SRD5A1: variants seen among roughly 807,000 people sequenced by gnomAD.
SRD5A1 encodes 3-oxo-5-alpha-steroid 4-dehydrogenase 1.
SRD5A1 carries 22 observed loss-of-function variants against 28.2 expected under a neutral mutation model. The observed-to-expected ratio is 0.78, with a 90% confidence interval of 0.56 to 1.12. The LOEUF (loss-of-function observed/expected upper bound fraction) is 1.12, where lower values mean the gene tolerates loss of function less well. Ranked by LOEUF, SRD5A1 falls within the 50% of genes most tolerant of loss-of-function variation. SRD5A1 has a pLI of 0.00. For synonymous variants in SRD5A1, 151 were observed against 135.0 expected (o/e 1.12, Z -0.82); for missense variants, 300 against 346.7 (o/e 0.87, Z 1.07).
intron 1 of SRD5A1, among the ~76,000 whole-genome samples, chr5:6,637,065 T>G (rs768472612): frequency 2.4e-4 from 36 of 152,210 alleles, no homozygotes; most frequent in South Asian, 8.3e-4. Flanking sequence ...TGCTGAAGCC[T>G]CCTTCTGATC....
At chr5:6,654,978 T>A (rs376423193) in intron 2 of SRD5A1, among the ~76,000 whole-genome samples, 2 of 152,270 alleles carry the variant, frequency 1.3e-5, no homozygotes, top group East Asian at 1.9e-4. Flanking sequence ...ATAAATGACT[T>A]ACAAAACGTA....
intron 3 of SRD5A1, among the ~76,000 whole-genome samples, chr5:6,656,836 C>A: frequency 6.6e-6 from 1 of 152,124 alleles, no homozygotes; most frequent in East Asian, 1.9e-4. Flanking sequence ...CAATGTGCCA[C>A]GTTCCACAGA....
At chr5:6,665,984 A>G (rs1426850176) in intron 4 of SRD5A1, among the ~76,000 whole-genome samples, 2 of 152,228 alleles carry the variant, frequency 1.3e-5, no homozygotes, top group Non-Finnish European at 2.9e-5. Flanking sequence ...GAATTAATCA[A>G]TTCAGTTTTG....
At chr5:6,655,021 GA>G (rs397968251) in intron 2 of SRD5A1, among the ~76,000 whole-genome samples, 1 of 150,422 alleles carries the variant, frequency 6.6e-6, no homozygotes, top group Admixed American at 6.6e-5. Context: ...CTTTGCTTAG[GA>G]AAAAAAAATA....
chr5:6,634,697 A>G (rs1738124155), intron 1 of SRD5A1, among the ~76,000 whole-genome samples: 1 of 152,220 alleles, frequency 6.6e-6, no homozygotes, highest in Non-Finnish European at 1.5e-5. Context: ...CTTAAACCTT[A>G]AACAAACGAA....
intron 3 of SRD5A1, among the ~76,000 whole-genome samples, chr5:6,658,521 T>A (rs1579410977): frequency 6.6e-6 from 1 of 152,250 alleles, no homozygotes; most frequent in East Asian, 1.9e-4. Context: ...CCTGACGGCC[T>A]GTGGCCATCA....
chr5:6,633,812 T>C lies in SRD5A1; in HGVS notation c.236T>C (p.Leu79Pro), dbSNP rs200641772. The C allele has an allele frequency of 5.9e-5, 94 of 1,597,750 alleles. No homozygotes were observed. The highest frequency in any genetic ancestry group is 2.7e-5 in the African/African-American group (2 of 74,888). Reference sequence around the variant, plus strand: ...TACGCCAGCGAGTCCGCCCCGCGTCTCCGCAGCGCGCCCAACTGCATCCTC... The same window carrying C: ...TACGCCAGCGAGTCCGCCCCGCGTCCCCGCAGCGCGCCCAACTGCATCCTC... ...YQYASESAPRLRSAPNCILLA... is the reference protein window; with the variant it reads ...YQYASESAPRPRSAPNCILLA... The change falls in exon 1 of 5, where the codon CTC becomes CCC. Residue 79 changes from leucine to proline, a missense_variant. By Grantham distance (98) the Leu-to-Pro change is moderately conservative. Coordinates refer to ENST00000274192, the MANE Select transcript of SRD5A1 (RefSeq NM_001047.4).
intron 4 of SRD5A1, among the ~76,000 whole-genome samples, chr5:6,664,371 T>TAAG (rs1227611594): frequency 1.3e-5 from 2 of 152,160 alleles, no homozygotes; most frequent in African/African-American, 4.8e-5. Context: ...TTATTGGAGA[T>TAAG]AAGAAGAAGA....
rs560323548 is a variant in SRD5A1 at position 6,667,905 on chromosome 5, A to G, written c.714-297A>G. Among the ~76,000 whole-genome samples, 17 of 152,338 alleles carry G rather than the reference A, an allele frequency of 1.1e-4. No homozygotes were observed. The South Asian group carries it at 3.5e-3, about 32-fold the overall frequency. ...CCTGCATGCTTTCCCCGGGGGCTGA[A>G]AAGACAGCTCCGCAATGTGCTGATC... On this transcript the variant is annotated intron_variant, in intron 4 of 4. Transcript: ENST00000274192.
chr5:6,654,061 A>AT (rs200581557), intron 2 of SRD5A1, among the ~76,000 whole-genome samples: 90 of 149,720 alleles, frequency 6.0e-4, no homozygotes, highest in Admixed American at 2.6e-3. Flanking sequence ...ATAATAATAT[A>AT]TTTTTTTTTT....
intron 1 of SRD5A1, among the ~76,000 whole-genome samples, chr5:6,637,582 G>C (rs1738226538): frequency 6.6e-6 from 1 of 152,170 alleles, no homozygotes. Context: ...AGGCTGCTTT[G>C]CTCATGGATT....
chr5:6,656,339 T>G (rs1311177901), intron 3 of SRD5A1, among the ~76,000 whole-genome samples, 160 bp downstream of exon 3: 1 of 152,182 alleles, frequency 6.6e-6, no homozygotes, highest in Non-Finnish European at 1.5e-5. Flanking sequence ...GTTATTGTCT[T>G]ATTAGAATAA....
At chr5:6,638,093 C>T (rs544603424) in intron 1 of SRD5A1, among the ~76,000 whole-genome samples, 13 of 152,074 alleles carry the variant, frequency 8.5e-5, no homozygotes, top group East Asian at 3.9e-4. Context: ...AATCCCAGCA[C>T]GCTGGGAGGC....
intron 3 of SRD5A1, among the ~76,000 whole-genome samples, chr5:6,657,191 A>C (rs949849706): frequency 6.6e-6 from 1 of 152,246 alleles, no homozygotes; most frequent in Non-Finnish European, 1.5e-5. Flanking sequence ...TACAAACCTC[A>C]AATTACTTAA....
At chr5:6,651,295 A>G (rs1738664816) in intron 1 of SRD5A1, among the ~76,000 whole-genome samples, 1 of 152,202 alleles carries the variant, frequency 6.6e-6, no homozygotes, top group African/African-American at 2.4e-5. Context: ...TTTATATTGC[A>G]TGTAAGTAGA....
chr5:6,650,644 T>C (rs1041429341), intron 1 of SRD5A1, among the ~76,000 whole-genome samples: 23 of 152,192 alleles, frequency 1.5e-4, no homozygotes, highest in Non-Finnish European at 2.8e-4. Context: ...ATCTTTCTTT[T>C]TTTTTTTTTA....
chr5:6,662,569 C>A (rs762597596), intron 3 of SRD5A1, among the ~76,000 whole-genome samples: 1 of 152,218 alleles, frequency 6.6e-6, no homozygotes, highest in Non-Finnish European at 1.5e-5. Context: ...GTGTCTTCCA[C>A]TGTAACTGTA....
At position 6,668,690 on chromosome 5, in the gene SRD5A1, A is replaced by T. The variant is rs1479372652; in HGVS notation, c.*422A>T. 1 of 153,218 alleles carries T rather than the reference A, an allele frequency of 6.5e-6. No homozygotes were observed. 9.5% of individuals were successfully genotyped at this position (153,218 alleles called of 1,614,324 possible). ...TGCAGTGTTGCTTCCCTCCCCCTATAGGGCTGGAATCTGTCTAGGAGCCCT... is the reference window on the plus strand; with the variant it reads ...TGCAGTGTTGCTTCCCTCCCCCTATTGGGCTGGAATCTGTCTAGGAGCCCT... On this transcript the variant is annotated 3_prime_UTR_variant, in exon 5 of 5. Coordinates refer to ENST00000274192, the MANE Select transcript of SRD5A1 (RefSeq NM_001047.4).
intron 3 of SRD5A1, among the ~76,000 whole-genome samples, chr5:6,660,987 A>G (rs1375945437): frequency 6.6e-6 from 1 of 152,112 alleles, no homozygotes; most frequent in Non-Finnish European, 1.5e-5. Flanking sequence ...TATCACAAGA[A>G]ACCGCCTGCA....
Sources: gnomAD v4.1 joint callset for allele counts (sites outside exome capture counted in the v4.1 genomes callset) on GRCh38, gnomAD v4.1.1 for gene constraint, MANE v1.5 for transcripts, NCBI Gene and HGNC (gene_info 2026-07-23, HGNC 2026-07-21) for gene names.